Variants in LAMA3 observed in about 807,000 individuals in gnomAD.
LAMA3 encodes laminin subunit alpha-3.
In LAMA3, 281 loss-of-function variants were observed where a neutral mutation model predicts 402.0. That is an observed-to-expected ratio of 0.70 (90% CI 0.63 to 0.77). The LOEUF is 0.77. LAMA3 is among the 30% of genes least tolerant of loss of function. The pLI is 0.00. For missense variants in LAMA3, 3,840 were observed against 4,215.5 expected (o/e 0.91, Z 2.47); for synonymous variants, 1,431 against 1,558.4 (o/e 0.92, Z 1.93).
At chr18:23,760,784 C>T (rs1246409286) in intron 7 of LAMA3, among the ~76,000 whole-genome samples, 1 of 152,190 alleles carries the variant, frequency 6.6e-6, no homozygotes, top group Non-Finnish European at 1.5e-5. Context: ...CCTCAAAGTT[C>T]TGGAGGCTGG....
chr18:23,857,645 C>T lies in LAMA3; in HGVS notation c.4137-199C>T, dbSNP rs45624035. Among the ~76,000 whole-genome samples, 1,354 of 152,356 alleles carry T rather than the reference C, an allele frequency of 8.9e-3. 8 individuals are homozygous for T. The highest frequency in any genetic ancestry group is 0.015 in the Non-Finnish European group (1,012 of 68,030). On this transcript the variant is annotated intron_variant, in intron 32 of 74. Coordinates refer to ENST00000313654, the MANE Select transcript of LAMA3 (RefSeq NM_198129.4). ...ATCTACGACGGTCATCCATGACCAT[C>T]CACAATGGCCATTGGTCAATGACCT...
At chr18:23,861,604 G>C in intron 34 of LAMA3, 42 bp from the exon 35 acceptor site, 1 of 1,611,998 alleles carries the variant, frequency 6.2e-7, no homozygotes, top group South Asian at 1.1e-5. Context: ...GGGATGCCAC[G>C]ACCAAGACGT....
At chr18:23,908,596 T>C (rs2081333088) in intron 54 of LAMA3, among the ~76,000 whole-genome samples, 1 of 151,736 alleles carries the variant, frequency 6.6e-6, no homozygotes, top group South Asian at 2.1e-4. Flanking sequence ...AGGTTTTTTT[T>C]TTTCTTTCTG....
chr18:23,760,681 A>G (rs2143706936), intron 7 of LAMA3, among the ~76,000 whole-genome samples: 1 of 152,344 alleles, frequency 6.6e-6, no homozygotes, highest in Non-Finnish European at 1.5e-5. Context: ...AATTAAAAAA[A>G]TAAATAAAGT....
At chr18:23,927,194 A>T (rs994348780) in intron 62 of LAMA3, among the ~76,000 whole-genome samples, 12 of 152,152 alleles carry the variant, frequency 7.9e-5, no homozygotes, top group African/African-American at 2.4e-4. Context: ...TTTTTGAGGC[A>T]GAGTCTCGCT....
chr18:23,884,233 G>A (rs2064997576), intron 40 of LAMA3, among the ~76,000 whole-genome samples: 1 of 152,172 alleles, frequency 6.6e-6, no homozygotes, highest in African/African-American at 2.4e-5. Flanking sequence ...AAAAAAGTGA[G>A]AATCAGCAAT....
intron 10 of LAMA3, among the ~76,000 whole-genome samples, chr18:23,776,647 G>A (rs2062325942): frequency 1.3e-5 from 2 of 152,116 alleles, no homozygotes; most frequent in South Asian, 2.1e-4. Context: ...AGCATATTGA[G>A]TTGTGGGGAC....
At chr18:23,743,092 G>C (rs1303772484) in intron 2 of LAMA3, among the ~76,000 whole-genome samples, 1 of 152,158 alleles carries the variant, frequency 6.6e-6, no homozygotes, top group East Asian at 1.9e-4. Flanking sequence ...CAGCCTAGTG[G>C]GAATGACAGA....
At position 23,744,570 on chromosome 18, in the gene LAMA3, A is replaced by G. The variant is rs145965857; in HGVS notation, c.448-3373A>G. On this transcript the variant is annotated intron_variant, in intron 2 of 74. Transcript: ENST00000313654. ...AATCTGGCCGGGCACGGTGGCTCAT[A>G]CCTGTAATCCCAGCACTTTGGGAGG... 9.6e-3 allele frequency among the ~76,000 whole-genome samples: 1,460 copies of G among 152,086 alleles called. 30 individuals are homozygous for G. Among genetic ancestry groups the G allele is most frequent in the African/African-American group, 0.034 (1,404 of 41,486 alleles).
At position 23,857,914 on chromosome 18, in the gene LAMA3, GT is replaced by G. The variant is rs1467108650; in HGVS notation, c.4209del (p.Cys1405AlafsTer26). ...CGGGTTTTACCGCTTTCCTGAGTGTGTTCCCTGCAATTGCAACAGAGATGGG... is the reference window on the plus strand; with the variant it reads ...CGGGTTTTACCGCTTTCCTGAGTGTGTCCCTGCAATTGCAACAGAGATGGG... ...ASGFYRFPECVPCNCNRDGTE... is the reference protein window; with the variant it reads ...ASGFYRFPECXPCNCNRDGTE... On this transcript the variant is annotated frameshift_variant, in exon 33 of 75. Coordinates refer to ENST00000313654, the MANE Select transcript of LAMA3 (RefSeq NM_198129.4). LOFTEE classifies it high-confidence loss of function. 6.2e-7 allele frequency: 1 copy of G among 1,614,244 alleles called. No individual in the cohort carries two copies. The highest frequency in any genetic ancestry group is 1.1e-5 in the South Asian group (1 of 91,090).
At chr18:23,868,054 A>G in intron 37 of LAMA3, 137 bp downstream of exon 37, 1 of 747,804 alleles carries the variant, frequency 1.3e-6, no homozygotes, top group South Asian at 1.6e-5. Context: ...ATACAGGTTG[A>G]GCATCCTTAA....
chr18:23,836,077 C>T (rs1256319095), intron 24 of LAMA3, among the ~76,000 whole-genome samples: 1 of 149,756 alleles, frequency 6.7e-6, no homozygotes, highest in African/African-American at 2.5e-5. Flanking sequence ...AGGATTATGC[C>T]TAAATCCAAA....
intron 25 of LAMA3, among the ~76,000 whole-genome samples, chr18:23,838,469 A>G (rs1012780300): frequency 6.6e-6 from 1 of 152,218 alleles, no homozygotes; most frequent in Non-Finnish European, 1.5e-5. Flanking sequence ...CAAGACAGAA[A>G]AAAACAGGCA....
At position 23,912,856 on chromosome 18, in the gene LAMA3, T is replaced by C. The variant is rs1464201288; in HGVS notation, c.7304T>C (p.Phe2435Ser). Residue 2435 changes from phenylalanine to serine, a missense_variant, in exon 56 of 75, where the codon TTT becomes TCT. By Grantham distance (155) the Phe-to-Ser change is radical. Around this residue, in one of 3 missense-constraint regions of LAMA3, gnomAD observed 891 missense variants for 857.5 expected, o/e 1.04. Transcript: ENST00000313654. ...GAAAATGGGGGTACTGAGAATATGTTTGTGATGTACCTTGGAAATAAAGAT... is the reference window on the plus strand; with the variant it reads ...GAAAATGGGGGTACTGAGAATATGTCTGTGATGTACCTTGGAAATAAAGAT... ...SRENGGTENMFVMYLGNKDAS... is the reference protein window; with the variant it reads ...SRENGGTENMSVMYLGNKDAS... 1.2e-6 allele frequency: 2 copies of C among 1,613,920 alleles called. No individual in the cohort carries two copies. The highest frequency in any genetic ancestry group is 1.7e-6 in the Non-Finnish European group (2 of 1,179,894).
intron 8 of LAMA3, among the ~76,000 whole-genome samples, chr18:23,768,658 A>C (rs1312534215): frequency 2.6e-5 from 4 of 152,218 alleles, no homozygotes; most frequent in African/African-American, 9.6e-5. Context: ...AAAAGAAATA[A>C]ATTATTTCAT....
Position 23,773,402 on chromosome 18 carries a change from A to G in LAMA3, c.1183-95A>G, listed in dbSNP as rs551154533. ...TCAGTGACTTCAAAATTACAATTGT[A>G]TATGACAGAATTATTCCTCTGGGTG... is the stretch of plus-strand genomic sequence containing the variant. On this transcript the variant is annotated intron_variant, in intron 8 of 74. Coordinates refer to ENST00000313654, the MANE Select transcript of LAMA3 (RefSeq NM_198129.4). 110 of 810,002 alleles carry G rather than the reference A, an allele frequency of 1.4e-4. 2 individuals carry two copies. In the South Asian group the frequency reaches 1.4e-3, roughly 11 times the overall value. 50.2% of individuals were successfully genotyped at this position (810,002 alleles called of 1,614,324 possible).
At chr18:23,842,817 T>C in intron 29 of LAMA3, 67 bp downstream of exon 29, 1 of 1,586,170 alleles carries the variant, frequency 6.3e-7, no homozygotes, top group Admixed American at 1.7e-5. Flanking sequence ...TGGGTGTCTG[T>C]TTAGCTCATG....
intron 2 of LAMA3, among the ~76,000 whole-genome samples, chr18:23,730,424 A>C (rs2061374006): frequency 7.0e-6 from 1 of 143,400 alleles, no homozygotes; most frequent in Non-Finnish European, 1.5e-5. Context: ...GCTGGAGTGC[A>C]ATGTGCAATC....
At chr18:23,924,540 T>C (rs1436548890) in intron 62 of LAMA3, among the ~76,000 whole-genome samples, 1 of 124,488 alleles carries the variant, frequency 8.0e-6, no homozygotes, top group African/African-American at 2.7e-5. Flanking sequence ...GACCTTTTTT[T>C]TTCTTTTTTT....
Sources: allele counts gnomAD v4.1 joint callset (sites outside exome capture counted in the v4.1 genomes callset), GRCh38; gene constraint gnomAD v4.1.1; regional missense constraint gnomAD v4.1.1; transcripts MANE v1.5; gene names NCBI Gene and HGNC (gene_info 2026-07-23, HGNC 2026-07-21).